Variants in DPP10 observed in about 807,000 individuals in gnomAD.
DPP10 encodes dipeptidyl peptidase like 10, also known as inactive dipeptidyl peptidase 10.
DPP10 carries 33 observed loss-of-function variants against 120.9 expected under a neutral mutation model. The observed-to-expected ratio is 0.27, with a 90% CI of 0.21 to 0.37. DPP10 has a LOEUF of 0.37. DPP10 is among the 10% of genes least tolerant of loss of function. The probability of loss-of-function intolerance (pLI) is 1.00; values close to 1 mark genes in which losing one functional copy is unlikely to be tolerated. For synonymous variants in DPP10, 337 were observed against 326.1 expected, an observed-to-expected ratio of 1.03 and a Z score of -0.36; for missense variants, 816 against 942.8, an observed-to-expected ratio of 0.87 and a Z score of 1.76.
At chr2:115,123,896 G>A (rs191966974) in intron 1 of DPP10, among the ~76,000 whole-genome samples, 8 of 151,368 alleles carry the variant, frequency 5.3e-5, no homozygotes, top group Non-Finnish European at 8.8e-5. Context: ...TTTTATTACC[G>A]CACCCAACAG....
At chr2:115,710,794 G>C (rs552290918) in intron 7 of DPP10, among the ~76,000 whole-genome samples, 2 of 152,128 alleles carry the variant, frequency 1.3e-5, no homozygotes, top group African/African-American at 4.8e-5. Context: ...TAATCATGCA[G>C]TTAATAAAAT....
chr2:115,838,851 G>C (rs17591584), intron 24 of DPP10, among the ~76,000 whole-genome samples: 12,367 of 152,154 alleles, frequency 0.081, 669 homozygotes, highest in Non-Finnish European at 0.12. Flanking sequence ...TACGGGCCTG[G>C]TGAATTATAG....
intron 1 of DPP10, among the ~76,000 whole-genome samples, chr2:115,019,184 G>C (rs1702889314): frequency 6.6e-6 from 1 of 151,802 alleles, no homozygotes. Context: ...TGTACTAAAA[G>C]CTTACAAATT....
chr2:115,766,549 A>G (rs1440033358), intron 12 of DPP10, among the ~76,000 whole-genome samples: 1 of 151,956 alleles, frequency 6.6e-6, no homozygotes, highest in Non-Finnish European at 1.5e-5. Context: ...ACATACATTC[A>G]TATACAAACA....
At chr2:115,177,572 G>C (rs1194996776) in intron 1 of DPP10, among the ~76,000 whole-genome samples, 1 of 152,192 alleles carries the variant, frequency 6.6e-6, no homozygotes, top group East Asian at 1.9e-4. Flanking sequence ...TTCCCCAGCT[G>C]TGCAGCTCCT....
chr2:114,524,007 C>G (rs1558842659), intron 1 of DPP10, among the ~76,000 whole-genome samples: 1 of 152,212 alleles, frequency 6.6e-6, no homozygotes, highest in Non-Finnish European at 1.5e-5. Flanking sequence ...GTAGCATGTA[C>G]TAGGGAGCAC....
chr2:115,533,854 C>T (rs2078624270), intron 5 of DPP10, among the ~76,000 whole-genome samples: 1 of 151,956 alleles, frequency 6.6e-6, no homozygotes, highest in Non-Finnish European at 1.5e-5. Flanking sequence ...AACTGCCTTC[C>T]TATGTAACCT....
chr2:115,408,184 T>C (rs2068671378), intron 3 of DPP10, among the ~76,000 whole-genome samples: 1 of 152,132 alleles, frequency 6.6e-6, no homozygotes, highest in African/African-American at 2.4e-5. Context: ...TACCCACATA[T>C]GCCCCATCTC....
intron 1 of DPP10, among the ~76,000 whole-genome samples, chr2:114,942,328 CATATATATATACGTATATAT>C (rs1696996377): frequency 2.7e-5 from 3 of 109,452 alleles, no homozygotes; most frequent in Non-Finnish European, 3.6e-5. Flanking sequence ...TATACACACA[CATATATATATACGTATATAT>C]ACATATATAT....
At chr2:114,469,340 A>G (rs1050680045) in intron 1 of DPP10, among the ~76,000 whole-genome samples, 8 of 152,252 alleles carry the variant, frequency 5.3e-5, no homozygotes, top group Non-Finnish European at 8.8e-5. Flanking sequence ...TTGTTCTCAA[A>G]CAAAAGTAAT....
chr2:115,401,775 A>G (rs1559547281), intron 3 of DPP10, among the ~76,000 whole-genome samples: 1 of 152,262 alleles, frequency 6.6e-6, no homozygotes, highest in East Asian at 1.9e-4. Context: ...TTTCTAATAT[A>G]TTAAATTTTC....
chr2:115,467,599 GA>G lies in DPP10; in HGVS notation c.272-31904del, dbSNP rs1054232871. Among the ~76,000 whole-genome samples, 10 of 151,772 alleles carry G rather than the reference GA, an allele frequency of 6.6e-5. No individual in the cohort carries two copies. The East Asian group carries it at 1.7e-3, about 26-fold the overall frequency. On this transcript the variant is annotated intron_variant, in intron 3 of 25. Coordinates refer to ENST00000410059, the MANE Select transcript of DPP10 (RefSeq NM_020868.6). Reference sequence around the variant, plus strand: ...CTCAAAGAAAAAAAAAAGAGACACTGAAAAAAAGAGAAAATTAACTGTGATG... The same window carrying G: ...CTCAAAGAAAAAAAAAAGAGACACTGAAAAAAGAGAAAATTAACTGTGATG...
In DPP10 at chr2:115,658,932, C is replaced by T. The variant is rs1005462936; in HGVS notation, c.442-30755C>T. On this transcript the variant is annotated intron_variant, in intron 5 of 25. Transcript: ENST00000410059. ...GTAAATTTTTTCAAGTTGTATAGTTCTCTGGTTTGAAAGTGTCCCCCAAAG... is the reference window on the plus strand; with the variant it reads ...GTAAATTTTTTCAAGTTGTATAGTTTTCTGGTTTGAAAGTGTCCCCCAAAG... Among the ~76,000 whole-genome samples the T allele has an allele frequency of 2.0e-5, 3 of 152,066 alleles. No individual in the cohort carries two copies. In the South Asian group the frequency reaches 6.2e-4, roughly 32 times the overall value.
At chr2:115,679,641 A>G (rs1473538806) in intron 5 of DPP10, among the ~76,000 whole-genome samples, 1 of 152,240 alleles carries the variant, frequency 6.6e-6, no homozygotes, top group Non-Finnish European at 1.5e-5. Flanking sequence ...GTATAAATAT[A>G]CAAGGGAATA....
intron 1 of DPP10, among the ~76,000 whole-genome samples, chr2:114,761,804 T>C (rs1350011208): frequency 6.6e-6 from 1 of 152,184 alleles, no homozygotes; most frequent in Non-Finnish European, 1.5e-5. Context: ...TGCTTTACCA[T>C]TTGACAATCC....
intron 1 of DPP10, among the ~76,000 whole-genome samples, chr2:114,904,663 A>G (rs1015910347): frequency 1.3e-5 from 2 of 152,254 alleles, no homozygotes; most frequent in African/African-American, 4.8e-5. Context: ...TTATACTAAC[A>G]GAAATACAGC....
At chr2:115,809,008 AG>A (rs1349112327) in intron 19 of DPP10, among the ~76,000 whole-genome samples, 4 of 152,198 alleles carry the variant, frequency 2.6e-5, no homozygotes, top group Non-Finnish European at 2.9e-5. Flanking sequence ...TAAATAAACT[AG>A]GGTGAGGAAT....
chr2:115,178,112 T>G (rs2053830140), intron 1 of DPP10, among the ~76,000 whole-genome samples: 1 of 152,180 alleles, frequency 6.6e-6, no homozygotes, highest in East Asian at 1.9e-4. Context: ...GTTCCTCCTT[T>G]TTTCATGATG....
chr2:114,825,640 T>C (rs971191694), intron 1 of DPP10, among the ~76,000 whole-genome samples: 1 of 152,340 alleles, frequency 6.6e-6, no homozygotes, highest in East Asian at 1.9e-4. Context: ...ATTGAAGCAT[T>C]CTATGAATTT....
Sources: gnomAD v4.1 joint callset for allele counts (sites outside exome capture counted in the v4.1 genomes callset) on GRCh38, gnomAD v4.1.1 for gene constraint, MANE v1.5 for transcripts, NCBI Gene and HGNC (gene_info 2026-07-23, HGNC 2026-07-21) for gene names.